FAM133B: variants seen among roughly 807,000 people sequenced by gnomAD.
FAM133B encodes the protein protein FAM133B.
Under a neutral mutation model 46.4 loss-of-function variants are expected in FAM133B, and 25 were observed. The observed-to-expected ratio is 0.54, with a 90% CI of 0.39 to 0.75. The LOEUF is 0.75. Among genes scored for constraint, FAM133B ranks in the 30% least tolerant of loss-of-function variants. FAM133B has a pLI of 0.00. For synonymous variants in FAM133B, 75 were observed against 86.0 expected (o/e 0.87, Z 0.71); for missense variants, 205 against 277.6 (o/e 0.74, Z 1.86).
chr7:92,590,331 C>A lies in FAM133B; in HGVS notation c.-40G>T, dbSNP rs758434583. Reference sequence around the variant, plus strand: ...CGCACAGTAGCACGCCGAGGGAAACCGGGCCGGAGAGACTGCCGAAGAGGG... The same window carrying A: ...CGCACAGTAGCACGCCGAGGGAAACAGGGCCGGAGAGACTGCCGAAGAGGG... On this transcript the variant is annotated 5_prime_UTR_variant, in exon 1 of 11. Transcript: ENST00000445716. 2 of 1,613,180 alleles carry A rather than the reference C, an allele frequency of 1.2e-6. No homozygotes were observed. Among genetic ancestry groups the A allele is most frequent in the Admixed American group, 3.3e-5 (2 of 59,956 alleles).
intron 2 of FAM133B, among the ~76,000 whole-genome samples, chr7:92,580,111 T>G (rs1424015298): frequency 6.6e-6 from 1 of 152,084 alleles, no homozygotes; most frequent in Admixed American, 6.5e-5. Flanking sequence ...CCTTGCTCTG[T>G]CACCCAAGCT....
At chr7:92,566,384 G>A (rs531895037) in intron 9 of FAM133B, among the ~76,000 whole-genome samples, 1 of 152,174 alleles carries the variant, frequency 6.6e-6, no homozygotes, top group Admixed American at 6.5e-5. Context: ...AGCATTTTGG[G>A]AGGCCAAGGC....
intron 9 of FAM133B, among the ~76,000 whole-genome samples, chr7:92,567,548 C>T (rs1794392428): frequency 6.6e-6 from 1 of 152,130 alleles, no homozygotes; most frequent in Non-Finnish European, 1.5e-5. Flanking sequence ...CACTAACTCA[C>T]TAGCTCTCTT....
chr7:92,579,458 T>A (rs1794801334), intron 2 of FAM133B, 63 bp from the exon 3 acceptor site: 1 of 1,167,650 alleles, frequency 8.6e-7, no homozygotes, highest in Non-Finnish European at 1.2e-6. Flanking sequence ...TGCTTACAAA[T>A]AAGACAACAA....
intron 1 of FAM133B, among the ~76,000 whole-genome samples, chr7:92,584,980 T>TAAACAAAACA (rs148386601): frequency 4.6e-5 from 7 of 151,460 alleles, no homozygotes; most frequent in African/African-American, 7.3e-5. Flanking sequence ...TTGTCTCTAC[T>TAAACAAAACA]AAACAAAACA....
At chr7:92,570,136 T>G (rs1381262205) in intron 8 of FAM133B, among the ~76,000 whole-genome samples, 1 of 152,130 alleles carries the variant, frequency 6.6e-6, no homozygotes. Context: ...AGATGTAATA[T>G]CCATCTTATT....
At chr7:92,574,255 A>G (rs1794624608) in intron 8 of FAM133B, among the ~76,000 whole-genome samples, 1 of 152,260 alleles carries the variant, frequency 6.6e-6, no homozygotes, top group Admixed American at 6.5e-5. Flanking sequence ...ACAAAAAACC[A>G]AAGTACTGAT....
In FAM133B at chr7:92,579,515, T is replaced by C. The variant is rs868184866; in HGVS notation, c.123-120A>G. On this transcript the variant is annotated intron_variant, in intron 2 of 10. Coordinates refer to ENST00000445716, the MANE Select transcript of FAM133B (RefSeq NM_152789.4). ...TATTCTAATAGACTTCTATTCAATG[T>C]TGGTAACATTTCAATTTCTTTGTTC... 21 of 659,534 alleles carry C rather than the reference T, an allele frequency of 3.2e-5. 2 individuals carry two copies. The Middle Eastern group carries it at 6.2e-3, about 194-fold the overall frequency. 40.9% of individuals were successfully genotyped at this position (659,534 alleles called of 1,614,324 possible). A position where few individuals can be genotyped will look rare whatever the true frequency, so the allele number is the denominator to read the frequency against.
rs1305259362 is a variant in FAM133B at position 92,561,215 on chromosome 7, T to A, written c.*1067A>T. The A allele has an allele frequency of 5.8e-4, 85 of 145,866 alleles. No homozygotes were observed. The highest frequency in any genetic ancestry group is 9.7e-4 in the Non-Finnish European group (65 of 66,726). The allele number at this position is 145,866 out of a possible 1,614,324, so 9.0% of individuals were successfully genotyped here. On this transcript the variant is annotated 3_prime_UTR_variant, in exon 11 of 11. Coordinates refer to ENST00000445716, the MANE Select transcript of FAM133B (RefSeq NM_152789.4). ...TCAATATGAAGCCGTTTTTTTTTTT[T>A]AATCAAAACCCTGCTTTTTACATGC...
chr7:92,582,298 CATAAAT>C (rs1562897284), intron 1 of FAM133B, among the ~76,000 whole-genome samples: 6 of 147,332 alleles, frequency 4.1e-5, no homozygotes, highest in Non-Finnish European at 9.0e-5. Flanking sequence ...CATAACATAA[CATAAAT>C]AACATAAAAT....
chr7:92,587,483 C>T (rs1795067696), intron 1 of FAM133B, among the ~76,000 whole-genome samples: 1 of 152,136 alleles, frequency 6.6e-6, no homozygotes, highest in Non-Finnish European at 1.5e-5. Context: ...GTAATCCGAA[C>T]ACTTTTGGAG....
chr7:92,566,951 C>T (rs1051311624), intron 9 of FAM133B, among the ~76,000 whole-genome samples: 7 of 152,188 alleles, frequency 4.6e-5, no homozygotes, highest in Non-Finnish European at 8.8e-5. Context: ...CGGCTGGTGC[C>T]TGTGATCCCA....
intron 1 of FAM133B, 166 bp downstream of exon 1, chr7:92,590,102 G>T: frequency 1.0e-6 from 1 of 952,386 alleles, no homozygotes; most frequent in South Asian, 1.6e-5. Context: ...CGCCAACTGC[G>T]TGCGCGGCGC....
intron 1 of FAM133B, chr7:92,589,866 C>T (rs2116434560): frequency 5.0e-6 from 1 of 201,070 alleles, no homozygotes; most frequent in Non-Finnish European, 1.0e-5. Flanking sequence ...GGACCTGGGG[C>T]GGCCGATACC....
chr7:92,569,349 C>G (rs1794460535), intron 9 of FAM133B, among the ~76,000 whole-genome samples: 1 of 152,054 alleles, frequency 6.6e-6, no homozygotes, highest in African/African-American at 2.4e-5. Flanking sequence ...TCATTTAGTT[C>G]TCACAACGAA....
At chr7:92,566,398 A>T (rs745496782) in intron 9 of FAM133B, among the ~76,000 whole-genome samples, 1 of 152,012 alleles carries the variant, frequency 6.6e-6, no homozygotes, top group Non-Finnish European at 1.5e-5. Context: ...CCAAGGCAGG[A>T]GGCTTGCTTG....
chr7:92,565,983 A>G lies in FAM133B; in HGVS notation c.657+31T>C, dbSNP rs202240462. On this transcript the variant is annotated intron_variant, in intron 10 of 10. Transcript: ENST00000445716. ...TATATTAAACCAAAACACCTATTCT[A>G]TTGTCTGTAAAAACGTTAAGAGATA... 3.7e-6 allele frequency: 6 copies of G among 1,610,314 alleles called. No individual in the cohort carries two copies. In the African/African-American group the frequency reaches 8.0e-5, roughly 22 times the overall value.
chr7:92,580,364 A>C (rs1424366174), intron 2 of FAM133B, among the ~76,000 whole-genome samples: 1 of 152,122 alleles, frequency 6.6e-6, no homozygotes, highest in Non-Finnish European at 1.5e-5. Context: ...TGAAGTGCTG[A>C]AACTGTAGGC....
Position 92,575,758 on chromosome 7 carries a change from A to G in FAM133B, c.516+13T>C. 7.5e-7 allele frequency: 1 copy of G among 1,338,094 alleles called. No individual in the cohort carries two copies. Among genetic ancestry groups the G allele is most frequent in the African/African-American group, 1.4e-5 (1 of 69,466 alleles). 82.9% of individuals were successfully genotyped at this position (1,338,094 alleles called of 1,614,324 possible). A position where few individuals can be genotyped will look rare whatever the true frequency, so the allele number is the denominator to read the frequency against. Reference sequence around the variant, plus strand: ...TGACAGACTATCTTAAGGCAATGTAAAAGTATAGTTACCTTTTCTTTCTCA... The same window carrying G: ...TGACAGACTATCTTAAGGCAATGTAGAAGTATAGTTACCTTTTCTTTCTCA... On this transcript the variant is annotated intron_variant, in intron 8 of 10. Coordinates refer to ENST00000445716, the MANE Select transcript of FAM133B (RefSeq NM_152789.4).
Sources: allele counts gnomAD v4.1 joint callset (sites outside exome capture counted in the v4.1 genomes callset), GRCh38; gene constraint gnomAD v4.1.1; transcripts MANE v1.5; gene names NCBI Gene and HGNC (gene_info 2026-07-23, HGNC 2026-07-21).